ZAN: variants seen among roughly 807,000 people sequenced by gnomAD.
ZAN encodes the protein zonadhesin (gene/pseudogene).
A neutral mutation model predicts 286.2 loss-of-function variants in ZAN; 260 were observed. The ratio of observed to expected loss-of-function variants is 0.91; its 90% CI spans 0.82 to 1.01. The LOEUF is 1.01. Ranked by LOEUF, ZAN falls within the 50% of genes least tolerant of loss-of-function variation. The pLI, the probability that ZAN is intolerant of heterozygous loss-of-function variation, is 0.00. For missense variants in ZAN, 3,410 were observed against 3,639.2 expected (o/e 0.94, Z 1.62); for synonymous variants, 1,368 against 1,417.5 (o/e 0.97, Z 0.79).
intron 11 of ZAN, among the ~76,000 whole-genome samples, chr7:100,749,947 A>G (rs1808528140): frequency 6.7e-6 from 1 of 149,162 alleles, no homozygotes; most frequent in South Asian, 2.1e-4. Context: ...GCTACTTGGG[A>G]GGCTGAGGCA....
Position 100,747,587 on chromosome 7 carries a change from TG to T in ZAN, c.972del (p.Asn326ThrfsTer20). 1 of 1,613,762 alleles carries T rather than the reference TG, an allele frequency of 6.2e-7. No homozygotes were observed. The highest frequency in any genetic ancestry group is 8.5e-7 in the Non-Finnish European group (1 of 1,179,828). The part of the protein sequence containing the change: ...RKHTLFSGQP[G>X]PNWQAVSVNY... ...AACACACTCTCTTCTCAGGACAACC[TG>T]GGCCCAACTGGCAGGCTGTTTCTGT... is the stretch of plus-strand genomic sequence containing the variant. On this transcript the variant is annotated frameshift_variant, in exon 9 of 48. Coordinates refer to ENST00000613979, the MANE Select transcript of ZAN (RefSeq NM_003386.3). LOFTEE classifies it high-confidence loss of function.
chr7:100,771,211 G>T (rs1449109130), intron 28 of ZAN, among the ~76,000 whole-genome samples: 1 of 152,070 alleles, frequency 6.6e-6, no homozygotes, highest in African/African-American at 2.4e-5. Flanking sequence ...AAGTGCTGAG[G>T]TTATAGGCGG....
At chr7:100,769,251 G>GC (rs1214873027) in intron 27 of ZAN, among the ~76,000 whole-genome samples, 1 of 151,912 alleles carries the variant, frequency 6.6e-6, no homozygotes. Flanking sequence ...TCGCCACCAC[G>GC]CCCGGCTAAT....
Position 100,778,220 on chromosome 7 carries a change from T to C in ZAN, c.6318-1226T>C, listed in dbSNP as rs777031282. Among the ~76,000 whole-genome samples, 9 of 152,090 alleles carry C rather than the reference T, an allele frequency of 5.9e-5. No individual in the cohort carries two copies. The South Asian group carries it at 8.3e-4, about 14-fold the overall frequency. On this transcript the variant is annotated intron_variant, in intron 34 of 47. Coordinates refer to ENST00000613979, the MANE Select transcript of ZAN (RefSeq NM_003386.3). ...TATTTGGGAGGCTTCAGCAGGAAGA[T>C]TGGTTGAGTCCGAGATTTGAAGGCT...
At chr7:100,746,430 CTGTTGGGG>C in intron 7 of ZAN, 100 bp from the exon 8 acceptor site, 1 of 1,382,416 alleles carries the variant, frequency 7.2e-7, no homozygotes, top group Non-Finnish European at 9.8e-7. Context: ...TTCTAGGCTG[CTGTTGGGG>C]ATCCCCAGAG....
chr7:100,773,536 CAT>C (rs1210678232), intron 30 of ZAN, 43 bp downstream of exon 30: 2 of 1,602,364 alleles, frequency 1.2e-6, no homozygotes, highest in East Asian at 2.2e-5. Flanking sequence ...TCCAGGCCCA[CAT>C]GTTTGGGGTC....
chr7:100,785,420 T>A lies in ZAN; in HGVS notation c.6835-577T>A, dbSNP rs553007869. Among the ~76,000 whole-genome samples, 5 of 151,718 alleles carry A rather than the reference T, an allele frequency of 3.3e-5. No individual in the cohort carries two copies. In the South Asian group the frequency reaches 8.4e-4, roughly 25 times the overall value. On this transcript the variant is annotated intron_variant, in intron 36 of 47. Transcript: ENST00000613979. ...TAATTTTTGAATTTTTAGTAGAGAT[T>A]GGGTTTCACCATGTTGGCCAGGCTG... is the stretch of plus-strand genomic sequence containing the variant.
intron 38 of ZAN, among the ~76,000 whole-genome samples, chr7:100,788,379 A>C (rs314333): frequency 0.9 from 136,413 of 151,958 alleles, 61,465 homozygotes; most frequent in East Asian, 0.97. Flanking sequence ...AGCAAGACGC[A>C]ACATCTCTGC....
At chr7:100,766,452 G>T in intron 23 of ZAN, 73 bp from the exon 24 acceptor site, 1 of 1,491,986 alleles carries the variant, frequency 6.7e-7, no homozygotes, top group Non-Finnish European at 9.0e-7. Flanking sequence ...GTGAGCTCTG[G>T]TGTCAGATCT....
intron 15 of ZAN, among the ~76,000 whole-genome samples, chr7:100,757,444 G>A (rs1809223268): frequency 6.6e-6 from 1 of 152,112 alleles, no homozygotes; most frequent in Non-Finnish European, 1.5e-5. Flanking sequence ...CTCATGGGAG[G>A]GCTAAGATGT....
chr7:100,747,717 G>T, intron 9 of ZAN, 76 bp downstream of exon 9: 1 of 1,398,850 alleles, frequency 7.1e-7, no homozygotes, highest in East Asian at 2.3e-5. Flanking sequence ...GGGGCCTGGT[G>T]CTGTGGCTCA....
At position 100,767,814 on chromosome 7, in the gene ZAN, C is replaced by T; in HGVS notation, c.4861-17C>T. 2 of 1,605,768 alleles carry T rather than the reference C, an allele frequency of 1.2e-6. No individual in the cohort carries two copies. The highest frequency in any genetic ancestry group is 1.7e-6 in the Non-Finnish European group (2 of 1,175,618). On this transcript the variant is annotated splice_polypyrimidine_tract_variant and intron_variant, in intron 25 of 47. Coordinates refer to ENST00000613979, the MANE Select transcript of ZAN (RefSeq NM_003386.3). ...TCTTTCCTGACTCTCCTTTCTACGT[C>T]CTCCCTGCCTCTGCAGCTGAATGGC... is the stretch of plus-strand genomic sequence containing the variant.
chr7:100,765,628 C>A, intron 23 of ZAN, 74 bp downstream of exon 23: 1 of 1,466,890 alleles, frequency 6.8e-7, no homozygotes, highest in Non-Finnish European at 9.1e-7. Context: ...CCCCTGCAAG[C>A]TCTTTCTTTT....
intron 12 of ZAN, 32 bp from the exon 13 acceptor site, chr7:100,751,148 TTC>T (rs1264448209): frequency 1.3e-6 from 2 of 1,529,444 alleles, no homozygotes; most frequent in Admixed American, 4.2e-5. Flanking sequence ...TCATTTTTGT[TTC>T]TCTCTCCGTC....
chr7:100,749,483 A>G (rs1459608339), intron 11 of ZAN, among the ~76,000 whole-genome samples: 1 of 146,678 alleles, frequency 6.8e-6, no homozygotes, highest in Non-Finnish European at 1.5e-5. Context: ...TACTAAAAAC[A>G]CAAAAAATTA....
intron 11 of ZAN, among the ~76,000 whole-genome samples, chr7:100,749,822 G>A (rs531075261): frequency 2.0e-5 from 3 of 150,968 alleles, no homozygotes; most frequent in East Asian, 4.0e-4. Context: ...AGGCTGAGAC[G>A]GGTGGATCAC....
At chr7:100,756,621 C>T (rs1809164119) in intron 15 of ZAN, among the ~76,000 whole-genome samples, 1 of 151,950 alleles carries the variant, frequency 6.6e-6, no homozygotes, top group South Asian at 2.1e-4. Context: ...CAGCCACAGC[C>T]TGGGCAGAAA....
intron 23 of ZAN, among the ~76,000 whole-genome samples, chr7:100,766,225 G>T (rs1373014804): frequency 6.6e-6 from 1 of 152,130 alleles, no homozygotes; most frequent in African/African-American, 2.4e-5. Context: ...GACCTCAAGT[G>T]ATCCACCCGC....
At chr7:100,775,876 AG>A in intron 33 of ZAN, 43 bp downstream of exon 33, 1 of 1,601,914 alleles carries the variant, frequency 6.2e-7, no homozygotes, top group South Asian at 1.1e-5. Flanking sequence ...AGGCAGCCCC[AG>A]GGAGATTGGT....
Sources: allele counts gnomAD v4.1 joint callset (sites outside exome capture counted in the v4.1 genomes callset), GRCh38; gene constraint gnomAD v4.1.1; transcripts MANE v1.5; gene names NCBI Gene and HGNC (gene_info 2026-07-23, HGNC 2026-07-21).